PLS3: variants seen among roughly 807,000 people sequenced by gnomAD.
PLS3 encodes the protein plastin 3.
In PLS3, 11 loss-of-function variants were observed where a neutral mutation model predicts 46.5. That is an observed-to-expected ratio of 0.24 (90% CI 0.15 to 0.39). The LOEUF is 0.39. Ranked by LOEUF, PLS3 falls within the 10% of genes least tolerant of loss-of-function variation. The pLI, the probability that PLS3 is intolerant of heterozygous loss-of-function variation, is 1.00. For synonymous variants in PLS3, 167 were observed against 162.2 expected (o/e 1.03, Z -0.22); for missense variants, 308 against 461.8 (o/e 0.67, Z 3.05).
intron 1 of PLS3, among the ~76,000 whole-genome samples, chrX:115,602,206 C>A (rs782461995): frequency 1.8e-5 from 2 of 111,891 alleles, no homozygotes; most frequent in South Asian, 7.5e-4. Context: ...CCATCTGTTT[C>A]CCCCACTAGA....
At chrX:115,611,145 G>A (rs180725934) in intron 2 of PLS3, among the ~76,000 whole-genome samples, 3 of 112,150 alleles carry the variant, frequency 2.7e-5, no homozygotes, top group East Asian at 5.6e-4. Flanking sequence ...GACCTGTGTC[G>A]AAAATCCCAT....
chrX:115,607,517 G>C (rs1489613862), intron 1 of PLS3, among the ~76,000 whole-genome samples: 1 of 54,324 alleles, frequency 1.8e-5, no homozygotes, highest in African/African-American at 7.4e-5. Flanking sequence ...TTTTTTTTTT[G>C]AGACAGAGTC....
intron 1 of PLS3, among the ~76,000 whole-genome samples, chrX:115,599,922 G>A (rs144502937): frequency 2.6e-3 from 289 of 110,749 alleles, no homozygotes; most frequent in Non-Finnish European, 4.5e-3. Context: ...GAGCCACTGC[G>A]CCTGGCTGAG....
chrX:115,635,078 T>C lies in PLS3; in HGVS notation c.748+32T>C, dbSNP rs1195656497. 3 of 1,153,193 alleles carry C rather than the reference T, an allele frequency of 2.6e-6. No individual in the cohort carries two copies. In the African/African-American group the frequency reaches 5.4e-5, roughly 21 times the overall value. On this transcript the variant is annotated intron_variant, in intron 7 of 15. Coordinates refer to ENST00000355899, the MANE Select transcript of PLS3 (RefSeq NM_005032.7). Reference sequence around the variant, plus strand: ...GAACACAGTCATTCTGGCAGTTGTTTATTGGTTATTTTTTTCTAGTCATGC... The same window carrying C: ...GAACACAGTCATTCTGGCAGTTGTTCATTGGTTATTTTTTTCTAGTCATGC...
intron 1 of PLS3, among the ~76,000 whole-genome samples, chrX:115,565,049 G>A (rs1556629968): frequency 8.9e-6 from 1 of 111,809 alleles, no homozygotes; most frequent in African/African-American, 3.2e-5. Flanking sequence ...AGGTTTCAAA[G>A]CTTTTTGGAT....
intron 2 of PLS3, among the ~76,000 whole-genome samples, chrX:115,615,487 CA>C: frequency 1.4e-5 from 1 of 73,765 alleles, no homozygotes; most frequent in South Asian, 7.8e-4. Flanking sequence ...CACGTGTCAT[CA>C]GAGAGAGAGA....
chrX:115,628,537 C>G (rs782083346), intron 3 of PLS3, among the ~76,000 whole-genome samples: 1 of 111,121 alleles, frequency 9.0e-6, no homozygotes, highest in African/African-American at 3.3e-5. Context: ...GATAGCTACA[C>G]AGTACTAGGA....
At chrX:115,593,110 A>G (rs1288658485) in intron 1 of PLS3, among the ~76,000 whole-genome samples, 3 of 111,847 alleles carry the variant, frequency 2.7e-5, no homozygotes, top group Non-Finnish European at 5.6e-5. Flanking sequence ...ATGGATCAGC[A>G]TGAATAATAG....
In PLS3 at chrX:115,595,424, A is replaced by G. The variant is rs369728798; in HGVS notation, c.-8-14819A>G. 9.9e-5 allele frequency among the ~76,000 whole-genome samples: 11 copies of G among 110,753 alleles called. 1 individual carries two copies. Among genetic ancestry groups the G allele is most frequent in the African/African-American group, 2.0e-4 (6 of 30,554 alleles). On this transcript the variant is annotated intron_variant, in intron 1 of 15. Transcript: ENST00000355899. ...AAAATGAACTCATTTCTTAATAGCTATGTAGGGGTGAAATCACAGGATTTC... is the reference window on the plus strand; with the variant it reads ...AAAATGAACTCATTTCTTAATAGCTGTGTAGGGGTGAAATCACAGGATTTC...
intron 1 of PLS3, among the ~76,000 whole-genome samples, chrX:115,596,450 G>C (rs1477077358): frequency 2.7e-5 from 3 of 111,781 alleles, no homozygotes; most frequent in Non-Finnish European, 5.6e-5. Context: ...GAAAGAAATA[G>C]ATGTCATCAC....
intron 1 of PLS3, among the ~76,000 whole-genome samples, chrX:115,581,177 G>C (rs1556631782): frequency 8.9e-6 from 1 of 111,961 alleles, no homozygotes; most frequent in African/African-American, 3.2e-5. Flanking sequence ...CCAACCATTA[G>C]ATTTATAAGG....
chrX:115,609,015 C>T (rs935667516), intron 1 of PLS3, among the ~76,000 whole-genome samples: 23 of 109,521 alleles, frequency 2.1e-4, no homozygotes, highest in African/African-American at 7.7e-4. Context: ...CGGGAGGATC[C>T]CTTGATCCCA....
intron 1 of PLS3, among the ~76,000 whole-genome samples, chrX:115,597,676 C>A (rs917860381): frequency 1.8e-5 from 2 of 111,690 alleles, no homozygotes; most frequent in Admixed American, 1.9e-4. Context: ...TCTATGATAT[C>A]TTATTTTATT....
intron 2 of PLS3, 185 bp from the exon 3 acceptor site, chrX:115,622,061 T>C: frequency 2.5e-6 from 1 of 398,742 alleles, no homozygotes; most frequent in East Asian, 4.3e-5. Flanking sequence ...ACAGGATACA[T>C]GATGTAAAAC....
At chrX:115,564,149 A>G (rs889250220) in intron 1 of PLS3, among the ~76,000 whole-genome samples, 30 of 110,980 alleles carry the variant, frequency 2.7e-4, no homozygotes, top group African/African-American at 7.5e-4. Context: ...TGGGAGTCAA[A>G]TTCTTGATTT....
At position 115,649,547 on chromosome X, in the gene PLS3, A is replaced by G; in HGVS notation, c.1879A>G (p.Met627Val). 1.7e-6 allele frequency: 2 copies of G among 1,207,912 alleles called. No individual in the cohort carries two copies. Among genetic ancestry groups the G allele is most frequent in the Non-Finnish European group, 2.2e-6 (2 of 893,103 alleles). Residue 627 changes from methionine to valine, a missense_variant, in exon 16 of 16, where the codon ATG becomes GTG. Met to Val is a conservative substitution (Grantham distance 21). This residue lies in a region of PLS3 where 271 missense variants were observed against 435.7 expected (regional missense o/e 0.62). Transcript: ENST00000355899. Reference sequence around the variant, plus strand: ...GTTTGCATGTTTGATGGGCAGGGGAATGAAGAGAGTGTAAAATAACCAATC... The same window carrying G: ...GTTTGCATGTTTGATGGGCAGGGGAGTGAAGAGAGTGTAAAATAACCAATC... ...TVFACLMGRG[M>V]KRV
chrX:115,580,375 G>A (rs2074273216), intron 1 of PLS3, among the ~76,000 whole-genome samples: 1 of 112,643 alleles, frequency 8.9e-6, no homozygotes, highest in Admixed American at 9.4e-5. Flanking sequence ...TGTGTAAGGT[G>A]TGAAGTTTGG....
At chrX:115,599,517 T>C (rs184253640) in intron 1 of PLS3, among the ~76,000 whole-genome samples, 1,279 of 82,734 alleles carry the variant, frequency 0.015, 16 homozygotes, top group Middle Eastern at 0.053. Flanking sequence ...CAAGACTCTA[T>C]CTCAAAAAAA....
intron 1 of PLS3, among the ~76,000 whole-genome samples, chrX:115,565,942 A>G (rs2074169055): frequency 9.0e-6 from 1 of 111,109 alleles, no homozygotes; most frequent in South Asian, 3.8e-4. Flanking sequence ...CATAGAATTT[A>G]GGGTCTTTTA....
Sources: allele counts gnomAD v4.1 joint callset (sites outside exome capture counted in the v4.1 genomes callset), GRCh38; gene constraint gnomAD v4.1.1; regional missense constraint gnomAD v4.1.1; transcripts MANE v1.5; gene names NCBI Gene and HGNC (gene_info 2026-07-23, HGNC 2026-07-21).